The following OSER1 variants were observed in gnomAD, a reference collection of about 807,000 sequenced individuals.
The protein encoded by OSER1 is oxidative stress responsive serine rich 1.
In OSER1, 15 loss-of-function variants were observed where a neutral mutation model predicts 26.3. That is an observed-to-expected ratio of 0.57 (90% CI 0.38 to 0.88). OSER1 has a LOEUF of 0.88. Among genes scored for constraint, OSER1 ranks in the 40% least tolerant of loss-of-function variants. The pLI is 0.00. For missense variants in OSER1, 313 were observed against 353.9 expected (o/e 0.88, Z 0.93); for synonymous variants, 127 against 128.2 (o/e 0.99, Z 0.07).
Position 44,208,422 on chromosome 20 carries a change from TAAAAAA to T in OSER1, c.-41-1430_-41-1425del, listed in dbSNP as rs3037689. Among the ~76,000 whole-genome samples the T allele has an allele frequency of 6.1e-5, 8 of 131,400 alleles. No homozygotes were observed. The East Asian group carries it at 1.5e-3, about 25-fold the overall frequency. 86.2% of individuals were successfully genotyped at this position (131,400 alleles called of 152,430 possible). A position where few individuals can be genotyped will look rare whatever the true frequency, so the allele number is the denominator to read the frequency against. On this transcript the variant is annotated intron_variant, in intron 1 of 3. Coordinates refer to ENST00000255174, the MANE Select transcript of OSER1 (RefSeq NM_016470.8). ...AACAGTCTCAAAAGAATTCAGCTAC[TAAAAAA>T]AAAAAAAAAAATTCAGCCAGCCTGC...
At chr20:44,199,158 C>A (rs892732139) in intron 3 of OSER1, among the ~76,000 whole-genome samples, 2 of 152,216 alleles carry the variant, frequency 1.3e-5, no homozygotes, top group East Asian at 3.8e-4. Context: ...TAGAATGTGT[C>A]ACCCAAAAGT....
chr20:44,202,869 T>A (rs2072997246), intron 3 of OSER1, 92 bp downstream of exon 3: 2 of 700,158 alleles, frequency 2.9e-6, no homozygotes, highest in South Asian at 3.5e-5. Context: ...AGGTTCTATA[T>A]CATAACCTAA....
rs1392063020 is a variant in OSER1, at chr20:44,197,693, G to A, written c.238C>T (p.Arg80Ter). ...SRGAVRTQRR[R>*]RSKSPVLHPP... Reference sequence around the variant, plus strand: ...TGAAGGACAGGAGACTTAGAACGTCGACGACGCTGAGTTCTCACTGCTCCT... The same window carrying A: ...TGAAGGACAGGAGACTTAGAACGTCAACGACGCTGAGTTCTCACTGCTCCT... The change falls in exon 4 of 4, where the codon CGA becomes TGA. Residue 80 changes from arginine to a stop codon, truncating the protein, a stop_gained. Transcript: ENST00000255174. LOFTEE classifies it high-confidence loss of function. The A allele has an allele frequency of 2.5e-6, 4 of 1,613,746 alleles. No individual in the cohort carries two copies. Among genetic ancestry groups the A allele is most frequent in the Non-Finnish European group, 3.4e-6 (4 of 1,179,826 alleles).
chr20:44,207,885 A>G (rs879319364), intron 1 of OSER1, among the ~76,000 whole-genome samples: 15 of 152,222 alleles, frequency 9.9e-5, no homozygotes, highest in Non-Finnish European at 1.8e-4. Context: ...CCAAAGCAAC[A>G]AGAAACACAA....
At chr20:44,206,553 T>C (rs1303479146) in intron 2 of OSER1, among the ~76,000 whole-genome samples, 1 of 152,142 alleles carries the variant, frequency 6.6e-6, no homozygotes, top group Non-Finnish European at 1.5e-5. Context: ...GTGATTCCCT[T>C]GAGATGTATG....
chr20:44,203,052 C>T lies in OSER1; in HGVS notation c.100G>A (p.Gly34Arg). ...ASGSVASLSVGEGTGVRAPVR... is the reference protein window; with the variant it reads ...ASGSVASLSVREGTGVRAPVR... ...GGTGCTCTGACACCTGTGCCTTCTC[C>T]AACAGACAGAGATGCTACAGACCTG... The change falls in exon 3 of 4, where the codon GGA becomes AGA. Residue 34 changes from glycine to arginine, a missense_variant. Physicochemically the swap from Gly to Arg is moderately radical, Grantham distance 125. Around this residue, in one of 2 missense-constraint regions of OSER1, gnomAD observed 300 missense variants for 318.3 expected, o/e 0.94. Transcript: ENST00000255174. 6.2e-7 allele frequency: 1 copy of T among 1,609,542 alleles called. No individual in the cohort carries two copies. The highest frequency in any genetic ancestry group is 8.5e-7 in the Non-Finnish European group (1 of 1,175,946).
intron 2 of OSER1, among the ~76,000 whole-genome samples, chr20:44,206,622 A>G (rs1320688683): frequency 6.6e-6 from 1 of 152,226 alleles, no homozygotes; most frequent in Non-Finnish European, 1.5e-5. Flanking sequence ...GTGGGGGGGA[A>G]GCCCTCCTCA....
chr20:44,199,761 T>C (rs914060865), intron 3 of OSER1, among the ~76,000 whole-genome samples: 4 of 152,180 alleles, frequency 2.6e-5, no homozygotes, highest in South Asian at 4.1e-4. Context: ...AGGCATTAAA[T>C]GTGTGGGTGG....
rs2072927683 is a variant in OSER1 at position 44,197,231 on chromosome 20, G to A, written c.700C>T (p.Leu234Phe). The A allele has an allele frequency of 6.2e-7, 1 of 1,614,098 alleles. No homozygotes were observed. Among genetic ancestry groups the A allele is most frequent in the South Asian group, 1.1e-5 (1 of 91,090 alleles). Residue 234 changes from leucine (L) to phenylalanine (F), a missense_variant, in exon 4 of 4, where the codon CTT becomes TTT. Leu to Phe is a conservative substitution (Grantham distance 22, BLOSUM62 0). Around this residue, in one of 2 missense-constraint regions of OSER1, gnomAD observed 300 missense variants for 318.3 expected, o/e 0.94. Coordinates refer to ENST00000255174, the MANE Select transcript of OSER1 (RefSeq NM_016470.8). ...TGCAGCGACTGAGAGTAGTCCTCAA[G>A]TGTGGATCTTCGTTCTGGAGCCAAG... ...PPLAPERRSTLEDYSQSLHAR... is the reference protein window; with the variant it reads ...PPLAPERRSTFEDYSQSLHAR...
At chr20:44,205,867 G>A (rs982733174) in intron 2 of OSER1, among the ~76,000 whole-genome samples, 10 of 151,362 alleles carry the variant, frequency 6.6e-5, no homozygotes, top group Admixed American at 3.3e-4. Flanking sequence ...GTGAACCCGG[G>A]AGGCGGAGCT....
At chr20:44,203,694 T>TAACACACACACACACACA (rs1555866748) in intron 2 of OSER1, among the ~76,000 whole-genome samples, 93 of 145,452 alleles carry the variant, frequency 6.4e-4, no homozygotes, top group African/African-American at 2.1e-3. Flanking sequence ...CAGACTTTTT[T>TAACACACACACACACACA]CACACACACA....
intron 2 of OSER1, among the ~76,000 whole-genome samples, chr20:44,205,491 T>A (rs1393489425): frequency 6.6e-6 from 1 of 152,242 alleles, no homozygotes; most frequent in Admixed American, 6.5e-5. Context: ...TGTGCAAATC[T>A]ATCAGCATAA....
chr20:44,199,723 G>A (rs1475800669), intron 3 of OSER1, among the ~76,000 whole-genome samples: 5 of 152,244 alleles, frequency 3.3e-5, no homozygotes, highest in African/African-American at 1.2e-4. Context: ...CAGCCACAGT[G>A]CATGTAAGTC....
Position 44,197,373 on chromosome 20 carries a change from T to G in OSER1, c.558A>C (p.Gln186His). 4.3e-6 allele frequency: 7 copies of G among 1,614,204 alleles called. No homozygotes were observed. The highest frequency in any genetic ancestry group is 5.9e-6 in the Non-Finnish European group (7 of 1,180,026). Residue 186 changes from glutamine (Q) to histidine (H), a missense_variant, in exon 4 of 4, where the codon CAA becomes CAC. By Grantham distance (24) the Gln-to-His change is conservative. This residue lies in a region of OSER1 where 300 missense variants were observed against 318.3 expected (regional missense o/e 0.94). Transcript: ENST00000255174. ...TGCCCTGGTTTAGCTTGGAAACTGA[T>G]TGAAAGTCAGAGAGATCACTGGCTT... The part of the protein sequence containing the change: ...SLKASDLSDF[Q>H]SVSKLNQGKP...
At chr20:44,197,892 C>T (rs935012496) in intron 3 of OSER1, among the ~76,000 whole-genome samples, 153 bp from the exon 4 acceptor site, 1 of 152,074 alleles carries the variant, frequency 6.6e-6, no homozygotes, top group African/African-American at 2.4e-5. Context: ...CATTTTCATG[C>T]TGCCTAAGTC....
At chr20:44,203,156 T>C in intron 2 of OSER1, 82 bp from the exon 3 acceptor site, 1 of 649,508 alleles carries the variant, frequency 1.5e-6, no homozygotes. Context: ...CAAATACAAC[T>C]TTTATCAATA....
intron 1 of OSER1, among the ~76,000 whole-genome samples, chr20:44,210,352 C>T (rs901947244): frequency 1.3e-5 from 2 of 152,086 alleles, no homozygotes; most frequent in Non-Finnish European, 2.9e-5. Context: ...AATGGGGCTC[C>T]GAGGCGAGAG....
Position 44,197,316 on chromosome 20 carries a change from C to G in OSER1, c.615G>C (p.Gln205His), listed in dbSNP as rs756159342. The G allele has an allele frequency of 1.9e-6, 3 of 1,614,060 alleles. No individual in the cohort carries two copies. The highest frequency in any genetic ancestry group is 2.2e-5 in the South Asian group (2 of 91,088). ...KPCTCIGKEC[Q>H]CKRWHDMEVY... ...CTTCCATATCATGCCATCTCTTACACTGGCATTCCTTGCCTATGCATGTGC... is the reference window on the plus strand; with the variant it reads ...CTTCCATATCATGCCATCTCTTACAGTGGCATTCCTTGCCTATGCATGTGC... Residue 205 changes from glutamine (Q) to histidine (H), a missense_variant, in exon 4 of 4, where the codon CAG becomes CAC. Physicochemically the swap from Gln to His is conservative, Grantham distance 24 (BLOSUM62 0). Around this residue, in one of 2 missense-constraint regions of OSER1, gnomAD observed 300 missense variants for 318.3 expected, o/e 0.94. Transcript: ENST00000255174.
chr20:44,204,692 T>C (rs1174213979), intron 2 of OSER1, among the ~76,000 whole-genome samples: 2 of 152,200 alleles, frequency 1.3e-5, no homozygotes, highest in Non-Finnish European at 2.9e-5. Flanking sequence ...TGTTCCCATG[T>C]CCACGTGTGT....
Sources: gnomAD v4.1 joint callset for allele counts (sites outside exome capture counted in the v4.1 genomes callset) on GRCh38, gnomAD v4.1.1 for gene constraint, gnomAD v4.1.1 regional missense constraint, MANE v1.5 for transcripts, NCBI Gene and HGNC (gene_info 2026-07-23, HGNC 2026-07-21) for gene names.